The following PEAK1 variants were observed in gnomAD, a reference collection of about 807,000 sequenced individuals.
The protein encoded by PEAK1 is pseudopodium enriched atypical kinase 1.
A neutral mutation model predicts 124.7 loss-of-function variants in PEAK1; 54 were observed. That is an observed-to-expected ratio of 0.43 (90% CI 0.35 to 0.54). PEAK1 has a LOEUF of 0.54. PEAK1 is among the 20% of genes least tolerant of loss of function. PEAK1 has a pLI of 0.01. For missense variants in PEAK1, 2,046 were observed against 2,134.5 expected (o/e 0.96, Z 0.82); for synonymous variants, 719 against 760.0 (o/e 0.95, Z 0.89).
At chr15:77,192,500 T>G (rs1232716387) in intron 6 of PEAK1, among the ~76,000 whole-genome samples, 1 of 152,212 alleles carries the variant, frequency 6.6e-6, no homozygotes, top group African/African-American at 2.4e-5. Flanking sequence ...GAGGAAAAAC[T>G]AAACTATCCC....
chr15:77,419,541 C>T, intron 1 of PEAK1: 1 of 985,296 alleles, frequency 1.0e-6, no homozygotes, highest in Non-Finnish European at 1.2e-6. Flanking sequence ...TGCGCCGATG[C>T]TCCCGGGTGC....
Position 77,114,700 on chromosome 15 carries a change from A to C in PEAK1, c.4697T>G (p.Val1566Gly). The C allele has an allele frequency of 8.1e-6, 13 of 1,613,646 alleles. No individual in the cohort carries two copies. Among genetic ancestry groups the C allele is most frequent in the Non-Finnish European group, 1.1e-5 (13 of 1,179,936 alleles). Residue 1566 changes from valine (V) to glycine (G), a missense_variant, in exon 10 of 10, where the codon GTG (valine) becomes GGG (glycine). Coordinates refer to ENST00000682557, the MANE Select transcript of PEAK1 (RefSeq NM_001385026.1). The part of the protein sequence containing the change: ...FSQAKQKSHL[V>G]DPEILRDQSR... ...CTGGTCCCGGAGGATCTCGGGGTCCACCAGATGGCTCTTCTGCTTGGCCTG... is the reference window on the plus strand; with the variant it reads ...CTGGTCCCGGAGGATCTCGGGGTCCCCCAGATGGCTCTTCTGCTTGGCCTG...
At chr15:77,380,617 C>T (rs1014023053) in intron 1 of PEAK1, among the ~76,000 whole-genome samples, 2 of 151,900 alleles carry the variant, frequency 1.3e-5, no homozygotes, top group African/African-American at 4.8e-5. Context: ...TAGCTGGGAC[C>T]ACAGGCATGC....
At chr15:77,392,267 G>C (rs1179978453) in intron 1 of PEAK1, among the ~76,000 whole-genome samples, 2 of 152,178 alleles carry the variant, frequency 1.3e-5, no homozygotes, top group Non-Finnish European at 2.9e-5. Context: ...ATTCATCACA[G>C]TTGTTCACTC....
intron 9 of PEAK1, among the ~76,000 whole-genome samples, chr15:77,118,090 G>C (rs2051559043): frequency 6.6e-6 from 1 of 152,198 alleles, no homozygotes. Context: ...TAGATAACCT[G>C]AGTGGGCAGC....
chr15:77,417,399 G>C, intron 1 of PEAK1: 1 of 969,118 alleles, frequency 1.0e-6, no homozygotes, highest in Non-Finnish European at 1.2e-6. Flanking sequence ...AACCTAGAAA[G>C]TACCAGGAGC....
At chr15:77,231,596 T>C (rs1447691260) in intron 6 of PEAK1, among the ~76,000 whole-genome samples, 2 of 151,930 alleles carry the variant, frequency 1.3e-5, no homozygotes, top group Non-Finnish European at 2.9e-5. Context: ...TTCTTGTAAG[T>C]AAAAAAAAGT....
chr15:77,106,636 T>TGTGAGCCAC (rs757004468), downstream of PEAK1: 2 of 152,396 alleles, frequency 1.3e-5, no homozygotes, highest in Non-Finnish European at 1.5e-5. Context: ...AGTGCTGGGA[T>TGTGAGCCAC]TACAGGTGTG....
intron 8 of PEAK1, among the ~76,000 whole-genome samples, chr15:77,151,261 C>T (rs1421923619): frequency 2.0e-5 from 3 of 151,364 alleles, no homozygotes; most frequent in Non-Finnish European, 4.4e-5. Flanking sequence ...CTCTGATGGC[C>T]AGTGATGATG....
At chr15:77,238,840 G>T (rs1159691700) in intron 6 of PEAK1, among the ~76,000 whole-genome samples, 1 of 152,142 alleles carries the variant, frequency 6.6e-6, no homozygotes, top group Non-Finnish European at 1.5e-5. Context: ...GGTAGGGAGA[G>T]GTAGTTCTAC....
chr15:77,191,051 C>A (rs755821310), intron 6 of PEAK1, among the ~76,000 whole-genome samples: 3 of 151,990 alleles, frequency 2.0e-5, no homozygotes, highest in African/African-American at 7.3e-5. Flanking sequence ...TAATAATGTA[C>A]GTCAACACTG....
chr15:77,114,958 G>C lies in PEAK1; in HGVS notation c.4439C>G (p.Ala1480Gly). 1 of 1,614,064 alleles carries C rather than the reference G, an allele frequency of 6.2e-7. No homozygotes were observed. The highest frequency in any genetic ancestry group is 8.5e-7 in the Non-Finnish European group (1 of 1,180,016). Residue 1480 changes from alanine (A) to glycine (G), a missense_variant, in exon 10 of 10, where the codon GCC becomes GGC. Ala to Gly is a moderately conservative substitution (Grantham distance 60). Transcript: ENST00000682557. ...TVADFVRDSL[A>G]QHGKSPDLYE... Reference sequence around the variant, plus strand: ...CAAATCAGGGCTTTTCCCATGCTGGGCCAGAGAGTCTCGCACAAAATCAGC... The same window carrying C: ...CAAATCAGGGCTTTTCCCATGCTGGCCCAGAGAGTCTCGCACAAAATCAGC...
intron 6 of PEAK1, among the ~76,000 whole-genome samples, chr15:77,212,662 C>G (rs2058958372): frequency 6.6e-6 from 1 of 152,168 alleles, no homozygotes; most frequent in African/African-American, 2.4e-5. Flanking sequence ...GGCCAAAGGA[C>G]ATTTTATTTA....
intron 5 of PEAK1, among the ~76,000 whole-genome samples, chr15:77,276,811 A>AT (rs1259756051): frequency 6.6e-6 from 1 of 152,168 alleles, no homozygotes; most frequent in African/African-American, 2.4e-5. Context: ...TACACATAAA[A>AT]ATATATATAA....
At chr15:77,132,929 A>G in intron 9 of PEAK1, 76 bp downstream of exon 9, 1 of 1,412,982 alleles carries the variant, frequency 7.1e-7, no homozygotes, top group Admixed American at 2.1e-5. Context: ...GAAAGAAAGG[A>G]GAAAAGCAGA....
intron 5 of PEAK1, among the ~76,000 whole-genome samples, chr15:77,272,557 C>G (rs2062093616): frequency 1.3e-5 from 2 of 151,978 alleles, no homozygotes. Context: ...TAGATTAAAC[C>G]AGGAAGAAAC....
rs542618451 is a variant in PEAK1, at chr15:77,385,976, GCCTCT to G, written c.-665-20756_-665-20752del. On this transcript the variant is annotated intron_variant, in intron 1 of 9. Transcript: ENST00000682557. ...TATGTGACCTTGGGCCAATTATTTA[GCCTCT>G]CTGAGTCTTCGTCTCTTCATGAAGA... 5.2e-3 allele frequency among the ~76,000 whole-genome samples: 792 copies of G among 152,262 alleles called. 5 individuals carry two copies. Among genetic ancestry groups the G allele is most frequent in the African/African-American group, 0.016 (685 of 41,548 alleles).
rs1247267502 is a variant in PEAK1 at position 77,168,235 on chromosome 15, GCGCACA to G, written c.3138-9545_3138-9540del. Among the ~76,000 whole-genome samples, 409 of 59,640 alleles carry G rather than the reference GCGCACA, an allele frequency of 6.9e-3. 3 individuals carry two copies. Among genetic ancestry groups the G allele is most frequent in the African/African-American group, 0.021 (383 of 17,940 alleles). The allele number at this position is 59,640 out of a possible 152,430, so 39.1% of individuals were successfully genotyped here. A position where few individuals can be genotyped will look rare whatever the true frequency, so the allele number is the denominator to read the frequency against. On this transcript the variant is annotated intron_variant, in intron 7 of 9. Transcript: ENST00000682557. ...TGTACATGCACATATGCATGTGCGCGCGCACACACACACACACACACACACACACAT... is the reference window on the plus strand; with the variant it reads ...TGTACATGCACATATGCATGTGCGCGCACACACACACACACACACACACAT...
chr15:77,208,076 T>C (rs974966938), intron 6 of PEAK1, among the ~76,000 whole-genome samples: 1 of 152,204 alleles, frequency 6.6e-6, no homozygotes, highest in South Asian at 2.1e-4. Flanking sequence ...TTAAGCAAAC[T>C]GTGCTTTGCA....
Sources: allele counts gnomAD v4.1 joint callset (sites outside exome capture counted in the v4.1 genomes callset), GRCh38; gene constraint gnomAD v4.1.1; transcripts MANE v1.5; gene names NCBI Gene and HGNC (gene_info 2026-07-23, HGNC 2026-07-21).